MAGI2: variants seen among roughly 807,000 people sequenced by gnomAD.
The protein encoded by MAGI2 is membrane-associated guanylate kinase, WW and PDZ domain-containing protein 2.
A neutral mutation model predicts 133.3 loss-of-function variants in MAGI2; 35 were observed. That is an observed-to-expected ratio of 0.26 (90% CI 0.20 to 0.35). The LOEUF is 0.35. Ranked by LOEUF, MAGI2 falls within the 10% of genes least tolerant of loss-of-function variation. The pLI is 1.00. For missense variants in MAGI2, 1,636 were observed against 1,863.4 expected (o/e 0.88, Z 2.25); for synonymous variants, 729 against 710.6 (o/e 1.03, Z -0.41).
chr7:78,333,883 A>G (rs1789487561), intron 9 of MAGI2, among the ~76,000 whole-genome samples: 2 of 152,178 alleles, frequency 1.3e-5, no homozygotes, highest in Non-Finnish European at 2.9e-5. Flanking sequence ...TGAGCCAACA[A>G]TCTAGTGTTC....
chr7:78,719,741 T>C (rs1041058713), intron 2 of MAGI2, among the ~76,000 whole-genome samples: 4 of 152,322 alleles, frequency 2.6e-5, no homozygotes, highest in African/African-American at 9.6e-5. Context: ...CTGGCTGCAG[T>C]ACTATCAATA....
chr7:78,680,113 A>G (rs1162843644), intron 2 of MAGI2, among the ~76,000 whole-genome samples: 1 of 152,190 alleles, frequency 6.6e-6, no homozygotes, highest in Non-Finnish European at 1.5e-5. Context: ...TTTTTTAGCC[A>G]TAAGTTATCA....
chr7:78,680,912 G>C (rs1815578670), intron 2 of MAGI2, among the ~76,000 whole-genome samples: 1 of 152,132 alleles, frequency 6.6e-6, no homozygotes, highest in Non-Finnish European at 1.5e-5. Flanking sequence ...CTCATGCTTA[G>C]AGGGTGGTCC....
At chr7:78,206,606 C>G (rs1004816820) in intron 10 of MAGI2, among the ~76,000 whole-genome samples, 1 of 152,166 alleles carries the variant, frequency 6.6e-6, no homozygotes, top group Non-Finnish European at 1.5e-5. Context: ...GACAACTTTT[C>G]AAGATTTTCA....
intron 1 of MAGI2, among the ~76,000 whole-genome samples, chr7:79,432,897 A>T (rs1847871485): frequency 6.6e-6 from 1 of 152,214 alleles, no homozygotes; most frequent in African/African-American, 2.4e-5. Flanking sequence ...GATTAAGGAG[A>T]AATGGAGGAA....
intron 2 of MAGI2, among the ~76,000 whole-genome samples, chr7:78,889,541 T>C (rs1401934689): frequency 6.6e-6 from 1 of 152,138 alleles, no homozygotes; most frequent in East Asian, 1.9e-4. Context: ...CAGCAGAAAC[T>C]CTACAAGCCA....
chr7:78,357,591 G>A (rs1023886681), intron 7 of MAGI2, among the ~76,000 whole-genome samples: 3 of 152,222 alleles, frequency 2.0e-5, no homozygotes, highest in African/African-American at 7.2e-5. Context: ...AACCTTCATA[G>A]CTGAGTGTTG....
At chr7:79,121,568 C>A (rs1819905232) in intron 1 of MAGI2, among the ~76,000 whole-genome samples, 1 of 152,082 alleles carries the variant, frequency 6.6e-6, no homozygotes, top group African/African-American at 2.4e-5. Context: ...GGGATGACCC[C>A]CAGCTACTGT....
chr7:78,219,123 T>G (rs1366172290), intron 10 of MAGI2, among the ~76,000 whole-genome samples: 1 of 152,202 alleles, frequency 6.6e-6, no homozygotes, highest in Non-Finnish European at 1.5e-5. Context: ...TCTACCTTCC[T>G]AATGAGATAA....
chr7:78,349,201 A>G (rs1791232990), intron 7 of MAGI2, among the ~76,000 whole-genome samples: 2 of 152,130 alleles, frequency 1.3e-5, no homozygotes, highest in Admixed American at 6.5e-5. Flanking sequence ...TGTGTTATTT[A>G]TCTTTCTGTA....
chr7:78,750,854 A>G (rs901737013), intron 2 of MAGI2, among the ~76,000 whole-genome samples: 1 of 152,348 alleles, frequency 6.6e-6, no homozygotes, highest in Middle Eastern at 3.4e-3. Context: ...AAAACAAGAA[A>G]GCACTTAAAT....
chr7:78,267,259 C>A (rs1794112064), intron 9 of MAGI2, among the ~76,000 whole-genome samples: 1 of 152,212 alleles, frequency 6.6e-6, no homozygotes, highest in South Asian at 2.1e-4. Flanking sequence ...ATATGGATTT[C>A]AGAAGTGCTG....
chr7:78,327,133 C>G (rs1788667131), intron 9 of MAGI2, among the ~76,000 whole-genome samples: 1 of 152,150 alleles, frequency 6.6e-6, no homozygotes, highest in Admixed American at 6.5e-5. Context: ...GGAGCACTGC[C>G]CAGTCTGTTG....
intron 2 of MAGI2, among the ~76,000 whole-genome samples, chr7:78,811,882 T>C (rs246460): frequency 0.33 from 49,931 of 152,128 alleles, 8,702 homozygotes; most frequent in East Asian, 0.52. Context: ...CAGATATGAT[T>C]AAACTAAAGA....
chr7:78,193,857 T>C (rs1029243643), intron 12 of MAGI2, among the ~76,000 whole-genome samples: 8 of 152,214 alleles, frequency 5.3e-5, no homozygotes, highest in African/African-American at 1.9e-4. Context: ...AAATTAGTTC[T>C]ACAAAGAGTT....
chr7:79,131,277 T>C lies in MAGI2; in HGVS notation c.302-124071A>G, dbSNP rs561937947. Reference sequence around the variant, plus strand: ...GAGTGGCCAACATGGCTAGTGAGTGTTAAGAGATTGAATGATAACATCAAG... The same window carrying C: ...GAGTGGCCAACATGGCTAGTGAGTGCTAAGAGATTGAATGATAACATCAAG... On this transcript the variant is annotated intron_variant, in intron 1 of 21. Transcript: ENST00000354212. 5.3e-5 allele frequency among the ~76,000 whole-genome samples: 8 copies of C among 152,234 alleles called. No individual in the cohort carries two copies. The South Asian group carries it at 1.7e-3, about 32-fold the overall frequency.
chr7:78,238,783 ATGT>A (rs1790826226), intron 10 of MAGI2, among the ~76,000 whole-genome samples: 2 of 152,238 alleles, frequency 1.3e-5, no homozygotes, highest in Middle Eastern at 3.4e-3. Flanking sequence ...GCCTTTAAAA[ATGT>A]TATGTCCTAT....
chr7:78,225,356 ATT>A (rs35976775), intron 10 of MAGI2, among the ~76,000 whole-genome samples: 4 of 148,824 alleles, frequency 2.7e-5, no homozygotes, highest in African/African-American at 9.8e-5. Context: ...TTTATAGATA[ATT>A]TTTTTTTTTG....
chr7:79,255,032 T>C (rs1833583282), intron 1 of MAGI2, among the ~76,000 whole-genome samples: 1 of 152,208 alleles, frequency 6.6e-6, no homozygotes, highest in South Asian at 2.1e-4. Context: ...TAGACTTTAA[T>C]ACTTCTCAAA....
Sources: allele counts gnomAD v4.1 joint callset (sites outside exome capture counted in the v4.1 genomes callset), GRCh38; gene constraint gnomAD v4.1.1; transcripts MANE v1.5; gene names NCBI Gene and HGNC (gene_info 2026-07-23, HGNC 2026-07-21).